ACOT11: variants seen among roughly 807,000 people sequenced by gnomAD.
The protein encoded by ACOT11 is acyl-CoA thioesterase 11.
In ACOT11, 69 loss-of-function variants were observed where a neutral mutation model predicts 77.5. That is an observed-to-expected ratio of 0.89 (90% CI 0.73 to 1.09). The LOEUF is 1.09. ACOT11 is among the 50% of genes least tolerant of loss of function. The pLI is 0.00. For missense variants in ACOT11, 766 were observed against 813.7 expected, an observed-to-expected ratio of 0.94 and a Z score of 0.71; for synonymous variants, 279 against 313.0, an observed-to-expected ratio of 0.89 and a Z score of 1.15.
At position 54,607,241 on chromosome 1, in the gene ACOT11, C is replaced by T. The variant is rs776181783; in HGVS notation, c.1478C>T (p.Ser493Leu). 20 of 1,614,148 alleles carry T rather than the reference C, an allele frequency of 1.2e-5. No individual in the cohort carries two copies. Among genetic ancestry groups the T allele is most frequent in the African/African-American group, 5.3e-5 (4 of 75,052 alleles). The change falls in exon 14 of 16, where the codon TCG (serine) becomes TTG (leucine). Residue 493 changes from serine (S) to leucine (L), a missense_variant. Coordinates refer to ENST00000343744, the MANE Select transcript of ACOT11 (RefSeq NM_147161.4). The surrounding 1 kb of genome is among the most constrained non-coding windows in gnomAD (Gnocchi z 4.5). The part of the protein sequence containing the change: ...TKPQDFVILA[S>L]RRKPCDNGDP... ...CCCCAGGACTTCGTGATCCTGGCCTCGAGGCGGAAGCCTTGTGACAATGGG... is the reference window on the plus strand; with the variant it reads ...CCCCAGGACTTCGTGATCCTGGCCTTGAGGCGGAAGCCTTGTGACAATGGG...
At chr1:54,631,456 G>A (rs531750946) in intron 16 of ACOT11, among the ~76,000 whole-genome samples, 43 of 152,272 alleles carry the variant, frequency 2.8e-4, no homozygotes, top group African/African-American at 9.9e-4. Flanking sequence ...TGACTGGGAC[G>A]CTCTTACTTG....
In ACOT11 at chr1:54,609,400, G is replaced by T. The variant is rs759391330; in HGVS notation, c.*288G>T. The T allele has an allele frequency of 1.9e-6, 3 of 1,614,068 alleles. No individual in the cohort carries two copies. The highest frequency in any genetic ancestry group is 2.5e-6 in the Non-Finnish European group (3 of 1,180,044). On this transcript the variant is annotated 3_prime_UTR_variant, in exon 16 of 16. Transcript: ENST00000343744. Reference sequence around the variant, plus strand: ...CAGAGGCATAGTCGCCCCCAGCTGGGTTGTGCTCCACTGTGACGGTGGCCC... The same window carrying T: ...CAGAGGCATAGTCGCCCCCAGCTGGTTTGTGCTCCACTGTGACGGTGGCCC...
At chr1:54,570,672 G>A (rs1044393402) in intron 1 of ACOT11, among the ~76,000 whole-genome samples, 20 of 118,162 alleles carry the variant, frequency 1.7e-4, no homozygotes, top group Non-Finnish European at 2.3e-4. Flanking sequence ...ATGAGCCACC[G>A]TGCCTGGCCT....
chr1:54,611,606 A>C (rs1330336821), downstream of ACOT11: 2 of 1,613,538 alleles, frequency 1.2e-6, no homozygotes, highest in Non-Finnish European at 1.7e-6. Flanking sequence ...CTCTCCTTAC[A>C]GGCCAGCTGC....
At chr1:54,590,635 T>C (rs2100986626) in intron 3 of ACOT11, among the ~76,000 whole-genome samples, 1 of 152,366 alleles carries the variant, frequency 6.6e-6, no homozygotes, top group South Asian at 2.1e-4. Flanking sequence ...TTTTTGATCA[T>C]GAAAACTTTC....
At chr1:54,606,424 G>A (rs575439740) in intron 13 of ACOT11, among the ~76,000 whole-genome samples, 1 of 152,330 alleles carries the variant, frequency 6.6e-6, no homozygotes, top group Non-Finnish European at 1.5e-5. Context: ...GGTGGGTCTG[G>A]ACATGGCCAT....
At chr1:54,573,020 G>A in intron 1 of ACOT11, 2 of 985,436 alleles carry the variant, frequency 2.0e-6, no homozygotes, top group Non-Finnish European at 2.4e-6. Context: ...AAAGTGCCTT[G>A]ACCCTGGACC....
intron 1 of ACOT11, among the ~76,000 whole-genome samples, chr1:54,569,130 T>C (rs1222161112): frequency 1.0e-4 from 4 of 38,918 alleles, no homozygotes; most frequent in Non-Finnish European, 2.1e-4. Context: ...AAAAAATAAT[T>C]TTTTTTTTTT....
intron 15 of ACOT11, chr1:54,623,264 G>A: frequency 6.3e-7 from 1 of 1,592,594 alleles, no homozygotes; most frequent in East Asian, 2.2e-5. Flanking sequence ...GATGACATGG[G>A]GGGAGGCACC....
chr1:54,626,248 C>T lies in ACOT11; in HGVS notation c.1630-4486C>T, dbSNP rs192090326. ...TTGCACCATTGACCACCAGCCTGAG[C>T]GACAGAGTGAGACCCTGTTTCAAAA... On this transcript the variant is annotated intron_variant, in intron 15 of 16. Coordinates refer to the ACOT11 transcript ENST00000371316. Among the ~76,000 whole-genome samples the T allele has an allele frequency of 6.5e-4, 99 of 151,446 alleles. 1 individual carries two copies. Among genetic ancestry groups the T allele is most frequent in the African/African-American group, 1.4e-3 (56 of 41,228 alleles).
downstream of ACOT11, chr1:54,614,620 G>T: frequency 1.4e-6 from 2 of 1,423,704 alleles, no homozygotes; most frequent in Non-Finnish European, 1.9e-6. Flanking sequence ...AAACTCAGAG[G>T]TCCCCTAAGA....
In ACOT11 at chr1:54,609,035, TA is replaced by T; in HGVS notation, c.1709del (p.Tyr570SerfsTer68). 1.2e-6 allele frequency: 2 copies of T among 1,614,134 alleles called. No individual in the cohort carries two copies. The highest frequency in any genetic ancestry group is 1.7e-6 in the Non-Finnish European group (2 of 1,179,998). ...TNVAGLSSEFYTTFKACEQFL... is the reference protein window; with the variant it reads ...TNVAGLSSEFXTTFKACEQFL... ...CGTGGCCGGCCTCTCCTCTGAGTTC[TA>T]CACCACCTTCAAGGCTTGTGAGCAG... On this transcript the variant is annotated frameshift_variant, in exon 16 of 16. Coordinates refer to ENST00000343744, the MANE Select transcript of ACOT11 (RefSeq NM_147161.4). LOFTEE classifies it high-confidence loss of function.
intron 1 of ACOT11, among the ~76,000 whole-genome samples, chr1:54,569,473 T>A (rs1226540144): frequency 2.0e-5 from 3 of 152,174 alleles, no homozygotes; most frequent in Admixed American, 6.5e-5. Flanking sequence ...CTGGTTGTCA[T>A]CCTGAGCCAC....
intron 9 of ACOT11, among the ~76,000 whole-genome samples, chr1:54,602,230 C>A (rs1374761297): frequency 6.6e-6 from 1 of 152,216 alleles, no homozygotes; most frequent in African/African-American, 2.4e-5. Context: ...TTGGCAAGCC[C>A]TCACCCTTCC....
chr1:54,572,657 G>T (rs751626281), intron 1 of ACOT11, among the ~76,000 whole-genome samples: 1 of 152,228 alleles, frequency 6.6e-6, no homozygotes, highest in Non-Finnish European at 1.5e-5. Flanking sequence ...GGCCACTTTT[G>T]TGGTCTGCTG....
At position 54,617,461 on chromosome 1, in the gene ACOT11, TAAAA is replaced by T. The variant is rs35936174; in HGVS notation, c.1629+9407_1629+9410del. 2.4e-4 allele frequency among the ~76,000 whole-genome samples: 32 copies of T among 134,004 alleles called. No homozygotes were observed. The East Asian group carries it at 5.8e-3, about 24-fold the overall frequency. The allele number at this position is 134,004 out of a possible 152,430, so 87.9% of individuals were successfully genotyped here. On this transcript the variant is annotated intron_variant, in intron 15 of 16. Transcript: ENST00000371316. ...TGTACCTGATCATGTCACTTTCTGT[TAAAA>T]AAAAAAAAAAAAAGGCCAGAAAACC...
chr1:54,554,352 T>TATATATATATATATA (rs536616509), intron 1 of ACOT11, among the ~76,000 whole-genome samples: 91 of 46,358 alleles, frequency 2.0e-3, no homozygotes, highest in Non-Finnish European at 3.8e-3. Context: ...TATATATATA[T>TATATATATATATATA]TTTTTTTTTT....
At chr1:54,555,051 C>T (rs895128060) in intron 1 of ACOT11, among the ~76,000 whole-genome samples, 19 of 152,160 alleles carry the variant, frequency 1.2e-4, no homozygotes, top group Non-Finnish European at 1.9e-4. Context: ...CTCCGCCTCC[C>T]GGGTTCAAGT....
intron 16 of ACOT11, chr1:54,630,991 C>T: frequency 1.9e-6 from 1 of 522,790 alleles, no homozygotes; most frequent in Non-Finnish European, 3.5e-6. Context: ...CGAGGAGGAA[C>T]AACAGTATAG....
Sources: gnomAD v4.1 joint callset for allele counts (sites outside exome capture counted in the v4.1 genomes callset) on GRCh38, gnomAD v4.1.1 for gene constraint, Gnocchi (gnomAD v3.1) non-coding constraint, MANE v1.5 for transcripts, NCBI Gene and HGNC (gene_info 2026-07-23, HGNC 2026-07-21) for gene names.